NAF1: variants seen among roughly 807,000 people sequenced by gnomAD.
NAF1 encodes nuclear assembly factor 1 ribonucleoprotein, also known as H/ACA ribonucleoprotein complex non-core subunit NAF1.
A neutral mutation model predicts 40.6 loss-of-function variants in NAF1; 11 were observed. The ratio of observed to expected loss-of-function variants is 0.27; its 90% CI spans 0.17 to 0.45. The LOEUF (loss-of-function observed/expected upper bound fraction) is 0.45. Among genes scored for constraint, NAF1 ranks in the 20% least tolerant of loss-of-function variants. The pLI is 1.00. For synonymous variants in NAF1, 260 were observed against 228.5 expected, an observed-to-expected ratio of 1.14 and a Z score of -1.24; for missense variants, 607 against 611.1, an observed-to-expected ratio of 0.99 and a Z score of 0.07.
At chr4:163,154,441 T>A (rs1393548919) in intron 2 of NAF1, among the ~76,000 whole-genome samples, 2 of 152,238 alleles carry the variant, frequency 1.3e-5, no homozygotes, top group African/African-American at 4.8e-5. Flanking sequence ...AATTCCAGGT[T>A]AAGATCCTGT....
chr4:163,160,045 G>A (rs996448420), intron 2 of NAF1, among the ~76,000 whole-genome samples: 1 of 152,056 alleles, frequency 6.6e-6, no homozygotes, highest in Non-Finnish European at 1.5e-5. Flanking sequence ...AGCATCAACT[G>A]CTGATAAAAT....
rs188216445 is a variant in NAF1 at position 163,160,301 on chromosome 4, G to A, written c.540+3916C>T. On this transcript the variant is annotated intron_variant, in intron 2 of 7. Coordinates refer to ENST00000274054, the MANE Select transcript of NAF1 (RefSeq NM_138386.3). ...TCCTTTTTCATTGCCACTATAGCTC[G>A]CTAATTCCTCTTTTATTCTCTTCCC... Among the ~76,000 whole-genome samples, 38 of 151,946 alleles carry A rather than the reference G, an allele frequency of 2.5e-4. No homozygotes were observed. The East Asian group carries it at 6.2e-3, about 25-fold the overall frequency.
At position 163,145,874 on chromosome 4, in the gene NAF1, A is replaced by G; in HGVS notation, c.635-10T>C. The G allele has an allele frequency of 8.1e-7, 1 of 1,236,732 alleles. No individual in the cohort carries two copies. The highest frequency in any genetic ancestry group is 2.5e-5 in the East Asian group (1 of 40,800). The allele number at this position is 1,236,732 out of a possible 1,614,324, so 76.6% of individuals were successfully genotyped here. A position where few individuals can be genotyped will look rare whatever the true frequency, so the allele number is the denominator to read the frequency against. ...ATAGATTCAATTATTACTGAAAAATAAAATAGATTACTTCAAGATTTACTT... is the reference window on the plus strand; with the variant it reads ...ATAGATTCAATTATTACTGAAAAATGAAATAGATTACTTCAAGATTTACTT... On this transcript the variant is annotated splice_polypyrimidine_tract_variant and intron_variant, in intron 3 of 7. Coordinates refer to ENST00000274054, the MANE Select transcript of NAF1 (RefSeq NM_138386.3).
rs374945898 is a variant in NAF1 at position 163,137,146 on chromosome 4, G to A, written c.930+53C>T. The A allele has an allele frequency of 5.6e-6, 9 of 1,596,286 alleles. No individual in the cohort carries two copies. The African/African-American group carries it at 9.4e-5, about 17-fold the overall frequency. On this transcript the variant is annotated intron_variant, in intron 6 of 7. Coordinates refer to ENST00000274054, the MANE Select transcript of NAF1 (RefSeq NM_138386.3). ...ACAGCAAGAATGATAAAATTTATAA[G>A]ATTAAGTCCTGCCCTACTTTATAAA... is the stretch of plus-strand genomic sequence containing the variant.
At chr4:163,153,514 C>A (rs896560412) in intron 2 of NAF1, among the ~76,000 whole-genome samples, 2 of 151,444 alleles carry the variant, frequency 1.3e-5, no homozygotes, top group Non-Finnish European at 2.9e-5. Flanking sequence ...GTATCTAGCT[C>A]AAGGTTTGTA....
chr4:163,104,789 A>G, the NAF1 span, among the ~76,000 whole-genome samples: 4 of 152,194 alleles, frequency 2.6e-5, no homozygotes, highest in African/African-American at 9.6e-5. Context: ...TCCACTTTCA[A>G]TGTTGATCAC....
In NAF1 at chr4:163,166,509, G is replaced by A. The variant is rs989619232; in HGVS notation, c.219C>T (p.Ala73=). Residue 73 remains alanine, a synonymous_variant, in exon 1 of 8, where the codon GCC becomes GCT. Transcript: ENST00000274054. ...GEQPLQPVLN[A]VAAGTPAPQP... is the part of the protein sequence containing the mutation. Reference sequence around the variant, plus strand: ...GCGGCGCCGGGGTCCCGGCCGCGACGGCGTTCAGAACGGGCTGCAGAGGCT... The same window carrying A: ...GCGGCGCCGGGGTCCCGGCCGCGACAGCGTTCAGAACGGGCTGCAGAGGCT... 1 of 1,599,302 alleles carries A rather than the reference G, an allele frequency of 6.3e-7. No individual in the cohort carries two copies.
downstream of NAF1, among the ~76,000 whole-genome samples, chr4:163,125,284 G>A (rs1351722601): frequency 1.3e-5 from 2 of 152,232 alleles, no homozygotes; most frequent in African/African-American, 2.4e-5. Context: ...AGCTTATTGA[G>A]GACAGCATGT....
intron 2 of NAF1, among the ~76,000 whole-genome samples, chr4:163,117,717 ACG>A (rs1491280014): frequency 1.3e-5 from 2 of 150,794 alleles, no homozygotes; most frequent in African/African-American, 4.9e-5. Flanking sequence ...ACACACACAC[ACG>A]CATGAATACA....
At chr4:163,110,634 G>C (rs1413831616) in intron 2 of NAF1, among the ~76,000 whole-genome samples, 1 of 152,164 alleles carries the variant, frequency 6.6e-6, no homozygotes, top group African/African-American at 2.4e-5. Context: ...CTAAGGTCAA[G>C]CAAAAGTGAT....
intron 5 of NAF1, among the ~76,000 whole-genome samples, chr4:163,137,944 A>G (rs1403228822): frequency 6.6e-6 from 1 of 152,184 alleles, no homozygotes; most frequent in Non-Finnish European, 1.5e-5. Flanking sequence ...ACATCCAACA[A>G]AAGTACAGAT....
chr4:163,115,294 C>T (rs890046904), intron 2 of NAF1, among the ~76,000 whole-genome samples: 4 of 150,118 alleles, frequency 2.7e-5, no homozygotes, highest in South Asian at 2.1e-4. Context: ...CTGCAAGCTC[C>T]GCCTCCCAGG....
chr4:163,142,165 G>T (rs1460549461), intron 4 of NAF1, among the ~76,000 whole-genome samples: 1 of 152,176 alleles, frequency 6.6e-6, no homozygotes, highest in African/African-American at 2.4e-5. Flanking sequence ...CAGAAGAGGT[G>T]CACTCAGCAC....
intron 2 of NAF1, among the ~76,000 whole-genome samples, chr4:163,161,858 C>T (rs1732239334): frequency 6.6e-6 from 1 of 152,086 alleles, no homozygotes; most frequent in African/African-American, 2.4e-5. Context: ...GCTGATATTA[C>T]ACCCAACATC....
intron 2 of NAF1, chr4:163,119,715 C>T (rs1158497598): frequency 1.3e-5 from 2 of 152,024 alleles, no homozygotes; most frequent in East Asian, 1.9e-4. Flanking sequence ...AAGAAAAATA[C>T]GGAAAGTAAT....
intron 3 of NAF1, among the ~76,000 whole-genome samples, chr4:163,146,078 A>G (rs1019670420): frequency 1.3e-5 from 2 of 152,184 alleles, no homozygotes; most frequent in African/African-American, 4.8e-5. Context: ...AAAAGCTATA[A>G]TTCTAAGGGA....
At chr4:163,163,349 G>C (rs1424566144) in intron 2 of NAF1, among the ~76,000 whole-genome samples, 1 of 152,068 alleles carries the variant, frequency 6.6e-6, no homozygotes, top group East Asian at 1.9e-4. Context: ...TCATGAAAAA[G>C]GCTCCTGAGT....
At chr4:163,138,792 C>G (rs777299795) in intron 5 of NAF1, among the ~76,000 whole-genome samples, 1 of 152,064 alleles carries the variant, frequency 6.6e-6, no homozygotes, top group African/African-American at 2.4e-5. Context: ...CTTCAGAAAA[C>G]CTCTTCAAAT....
intron 2 of NAF1, among the ~76,000 whole-genome samples, chr4:163,163,380 T>C (rs1251501570): frequency 6.6e-6 from 1 of 152,176 alleles, no homozygotes; most frequent in African/African-American, 2.4e-5. Flanking sequence ...TTTAATTTAT[T>C]TTTTCAAATC....
Sources: gnomAD v4.1 joint callset for allele counts (sites outside exome capture counted in the v4.1 genomes callset) on GRCh38, gnomAD v4.1.1 for gene constraint, MANE v1.5 for transcripts, NCBI Gene and HGNC (gene_info 2026-07-23, HGNC 2026-07-21) for gene names.